Variants in MCM5 observed in about 807,000 individuals in gnomAD.
MCM5 encodes DNA replication licensing factor MCM5.
In MCM5, 46 loss-of-function variants were observed where a neutral mutation model predicts 79.9. That is an observed-to-expected ratio of 0.58 (90% confidence interval 0.45 to 0.74). MCM5 has a LOEUF of 0.74. Ranked by LOEUF, MCM5 falls within the 30% of genes least tolerant of loss-of-function variation. The pLI, the probability that MCM5 is intolerant of heterozygous loss-of-function variation, is 0.00. For synonymous variants in MCM5, 404 were observed against 390.5 expected, an observed-to-expected ratio of 1.03 and a Z score of -0.41; for missense variants, 883 against 1,017.0, an observed-to-expected ratio of 0.87 and a Z score of 1.79.
chr22:35,447,938 C>T, the MCM5 span, among the ~76,000 whole-genome samples: 3 of 152,180 alleles, frequency 2.0e-5, no homozygotes, highest in Non-Finnish European at 4.4e-5. Context: ...GGAAACGGGG[C>T]CCCTGGGGCC....
chr22:35,401,503 T>A (rs975976307), intron 2 of MCM5: 19 of 469,140 alleles, frequency 4.0e-5, no homozygotes, highest in Admixed American at 2.1e-4. Context: ...AGAATTCTCA[T>A]AGGCCCGGCC....
At chr22:35,401,698 T>C (rs1158743632) in intron 2 of MCM5, 1 of 470,946 alleles carries the variant, frequency 2.1e-6, no homozygotes, top group East Asian at 6.9e-5. Flanking sequence ...TGCCAGGCAC[T>C]GCGCTACAAA....
chr22:35,415,188 G>A (rs570046037), intron 9 of MCM5, among the ~76,000 whole-genome samples: 1 of 152,104 alleles, frequency 6.6e-6, no homozygotes, highest in South Asian at 2.1e-4. Flanking sequence ...GCAAGACCCC[G>A]TTTCAATTTA....
chr22:35,404,989 A>T (rs1932168712), intron 4 of MCM5, among the ~76,000 whole-genome samples: 2 of 150,698 alleles, frequency 1.3e-5, no homozygotes, highest in Middle Eastern at 3.4e-3. Flanking sequence ...TGTACTCATC[A>T]CCCAGCTTAA....
At chr22:35,427,397 C>T (rs1932784869), downstream of MCM5, among the ~76,000 whole-genome samples, 1 of 152,094 alleles carries the variant, frequency 6.6e-6, no homozygotes, top group African/African-American at 2.4e-5. Flanking sequence ...GTTAAGCATT[C>T]CAGAGACCAG....
At chr22:35,409,241 G>A (rs1406609567) in intron 6 of MCM5, among the ~76,000 whole-genome samples, 2 of 152,058 alleles carry the variant, frequency 1.3e-5, no homozygotes, top group Non-Finnish European at 2.9e-5. Context: ...TGGATTACAG[G>A]CGTGAGCTAC....
chr22:35,430,583 A>G, the MCM5 span, among the ~76,000 whole-genome samples: 4 of 150,420 alleles, frequency 2.7e-5, no homozygotes, highest in African/African-American at 4.9e-5. Context: ...GCTCACTGCA[A>G]CCTCCGCCTG....
chr22:35,427,872 T>C (rs2145807928), downstream of MCM5, among the ~76,000 whole-genome samples: 1 of 152,190 alleles, frequency 6.6e-6, no homozygotes, highest in East Asian at 1.9e-4. Flanking sequence ...TAAAGCACAG[T>C]GGTTAAGAAC....
intron 2 of MCM5, 137 bp downstream of exon 2, chr22:35,400,742 T>A: frequency 1.1e-6 from 1 of 887,968 alleles, no homozygotes; most frequent in Non-Finnish European, 1.7e-6. Context: ...GTCACAGGGC[T>A]CATCCCGGCA....
chr22:35,435,631 C>T, the MCM5 span, among the ~76,000 whole-genome samples: 6 of 152,300 alleles, frequency 3.9e-5, no homozygotes, highest in African/African-American at 1.2e-4. Flanking sequence ...GTGGGCTTGT[C>T]GCCTGAAGCC....
At chr22:35,420,898 C>T (rs2145801391) in intron 14 of MCM5, among the ~76,000 whole-genome samples, 1 of 152,168 alleles carries the variant, frequency 6.6e-6, no homozygotes, top group East Asian at 1.9e-4. Flanking sequence ...GAGGCTGAGG[C>T]AGGAGGATTA....
At position 35,424,250 on chromosome 22, in the gene MCM5, A is replaced by C; in HGVS notation, c.2200A>C (p.Lys734Gln). 1.3e-6 allele frequency: 2 copies of C among 1,543,908 alleles called. No homozygotes were observed. Among genetic ancestry groups the C allele is most frequent in the Non-Finnish European group, 1.8e-6 (2 of 1,142,616 alleles). The part of the protein sequence containing the change: ...RMQRKVLYRL[K>Q] The stretch of plus-strand genomic sequence containing the variant: ...GCAGCGCAAGGTTCTCTACCGCCTC[A>C]AGTGAGTCGCGCCGCCTCACTGGAC... Residue 734 changes from lysine (K) to glutamine (Q), a missense_variant, in exon 17 of 17, where the codon AAG (lysine) becomes CAG (glutamine). Coordinates refer to ENST00000216122, the MANE Select transcript of MCM5 (RefSeq NM_006739.4).
downstream of MCM5, among the ~76,000 whole-genome samples, chr22:35,430,304 T>A (rs867269585): frequency 6.6e-6 from 1 of 152,156 alleles, no homozygotes; most frequent in Admixed American, 6.5e-5. Context: ...AGAGGATTGA[T>A]AATAGTGTGG....
At position 35,402,968 on chromosome 22, in the gene MCM5, T is replaced by C. The variant is rs545383075; in HGVS notation, c.168-239T>C. 2.0e-5 allele frequency among the ~76,000 whole-genome samples: 3 copies of C among 152,356 alleles called. No individual in the cohort carries two copies. In the South Asian group the frequency reaches 6.2e-4, roughly 32 times the overall value. ...CCTGGGTGTTGAAACATCCTTTGAC[T>C]GTCTTGTGGACCCCTTCCATGGAGC... On this transcript the variant is annotated intron_variant, in intron 2 of 16. Transcript: ENST00000216122.
chr22:35,406,488 C>T (rs373967651), intron 4 of MCM5, 65 bp from the exon 5 acceptor site: 31 of 1,465,066 alleles, frequency 2.1e-5, no homozygotes, highest in Admixed American at 1.8e-4. Flanking sequence ...AGGATATTTA[C>T]TGGCATATCT....
intron 2 of MCM5, among the ~76,000 whole-genome samples, chr22:35,401,161 T>C (rs978846913): frequency 6.6e-6 from 1 of 152,188 alleles, no homozygotes; most frequent in African/African-American, 2.4e-5. Context: ...AACTTCTGGG[T>C]GAGTCACCTG....
intron 6 of MCM5, among the ~76,000 whole-genome samples, chr22:35,410,203 A>G (rs1468811564): frequency 1.3e-5 from 2 of 152,186 alleles, no homozygotes; most frequent in Non-Finnish European, 2.9e-5. Context: ...CCTGTCTCTG[A>G]CTGGGGGACT....
the MCM5 span, among the ~76,000 whole-genome samples, chr22:35,439,451 T>C: frequency 3.0e-4 from 2 of 6,710 alleles, no homozygotes; most frequent in African/African-American, 1.5e-3. Flanking sequence ...ATTAATCCAT[T>C]CACCCATCCA....
chr22:35,432,819 C>T, the MCM5 span, among the ~76,000 whole-genome samples: 1 of 149,384 alleles, frequency 6.7e-6, no homozygotes, highest in Admixed American at 6.7e-5. Flanking sequence ...AGAGGGAGAC[C>T]AGGAAATCAG....
Sources: allele counts gnomAD v4.1 joint callset (sites outside exome capture counted in the v4.1 genomes callset), GRCh38; gene constraint gnomAD v4.1.1; transcripts MANE v1.5; gene names NCBI Gene and HGNC (gene_info 2026-07-23, HGNC 2026-07-21).